Variants in GABRG3 observed in about 807,000 individuals in gnomAD.
GABRG3 encodes the protein gamma-aminobutyric acid receptor subunit gamma-3.
Under a neutral mutation model 48.8 loss-of-function variants are expected in GABRG3, and 25 were observed. The ratio of observed to expected loss-of-function variants is 0.51; its 90% CI spans 0.37 to 0.72. The LOEUF (loss-of-function observed/expected upper bound fraction) is 0.72. Among genes scored for constraint, GABRG3 ranks in the 30% least tolerant of loss-of-function variants. GABRG3 has a pLI of 0.00. For synonymous variants in GABRG3, 227 were observed against 217.6 expected (o/e 1.04, Z -0.38); for missense variants, 394 against 577.9 (o/e 0.68, Z 3.26).
At chr15:27,387,552 T>G (rs1355950093) in intron 5 of GABRG3, among the ~76,000 whole-genome samples, 2 of 152,084 alleles carry the variant, frequency 1.3e-5, no homozygotes, top group African/African-American at 4.8e-5. Context: ...TCTGGTTGGT[T>G]TCATTTGGTG....
chr15:27,328,929 G>T lies in GABRG3; in HGVS notation c.574+41G>T, dbSNP rs144945762. On this transcript the variant is annotated intron_variant, in intron 5 of 9. Transcript: ENST00000615808. ...AGCCCGGGGTGTGCATGCTGTGTGA[G>T]GGATGCCTAGCCTGGTACTGCTTCT... 10 of 1,482,488 alleles carry T rather than the reference G, an allele frequency of 6.7e-6. No individual in the cohort carries two copies. In the African/African-American group the frequency reaches 1.2e-4, roughly 19 times the overall value. 91.8% of individuals were successfully genotyped at this position (1,482,488 alleles called of 1,614,324 possible).
intron 5 of GABRG3, chr15:27,364,591 TTG>T (rs1895129466): frequency 6.6e-6 from 1 of 152,234 alleles, no homozygotes; most frequent in South Asian, 2.1e-4. Flanking sequence ...CTGAGTGGTT[TTG>T]TGTCTCTGGT....
At chr15:27,266,556 C>G (rs1052495698) in intron 3 of GABRG3, among the ~76,000 whole-genome samples, 14 of 152,262 alleles carry the variant, frequency 9.2e-5, no homozygotes, top group African/African-American at 3.4e-4. Flanking sequence ...TTAGAAATAG[C>G]CTGTCAATTT....
chr15:26,984,561 A>T (rs1895116539), intron 2 of GABRG3, among the ~76,000 whole-genome samples: 1 of 152,056 alleles, frequency 6.6e-6, no homozygotes, highest in Non-Finnish European at 1.5e-5. Context: ...TCCCTTCTTT[A>T]TCCATCCTTT....
intron 2 of GABRG3, among the ~76,000 whole-genome samples, chr15:27,020,702 C>T (rs1214273673): frequency 6.6e-6 from 1 of 152,150 alleles, no homozygotes; most frequent in Non-Finnish European, 1.5e-5. Flanking sequence ...CCGGCTTGAG[C>T]CACCGCGCCC....
intron 3 of GABRG3, among the ~76,000 whole-genome samples, chr15:27,057,001 C>G (rs938845489): frequency 1.3e-5 from 2 of 152,124 alleles, no homozygotes; most frequent in African/African-American, 2.4e-5. Context: ...CTCTTCCCTG[C>G]TTATTATCAA....
intron 2 of GABRG3, among the ~76,000 whole-genome samples, chr15:26,991,353 T>C (rs911848381): frequency 2.0e-5 from 3 of 152,078 alleles, no homozygotes; most frequent in Non-Finnish European, 4.4e-5. Context: ...TCAGGTAATA[T>C]GATTCGTTCA....
At chr15:27,505,270 A>G (rs920730518) in intron 6 of GABRG3, among the ~76,000 whole-genome samples, 2 of 152,166 alleles carry the variant, frequency 1.3e-5, no homozygotes, top group Non-Finnish European at 2.9e-5. Context: ...CATGATGCCA[A>G]TATAACTTAT....
At chr15:27,514,973 GTTA>G (rs144437411) in intron 6 of GABRG3, among the ~76,000 whole-genome samples, 3,182 of 152,290 alleles carry the variant, frequency 0.021, 70 homozygotes, top group East Asian at 0.098. Flanking sequence ...ATGGTCCTGG[GTTA>G]TTAAGGAACA....
intron 3 of GABRG3, among the ~76,000 whole-genome samples, chr15:27,259,956 A>T (rs1890724194): frequency 6.6e-6 from 1 of 152,164 alleles, no homozygotes; most frequent in East Asian, 1.9e-4. Context: ...AATTAGATAG[A>T]TTGAGAATCT....
chr15:27,133,663 C>A (rs1489718012), intron 3 of GABRG3, among the ~76,000 whole-genome samples: 1 of 152,096 alleles, frequency 6.6e-6, no homozygotes, highest in Non-Finnish European at 1.5e-5. Flanking sequence ...TCTGGGAGAG[C>A]TTTTTATTAG....
chr15:27,335,111 C>T (rs66551835), intron 5 of GABRG3, among the ~76,000 whole-genome samples: 3 of 146,932 alleles, frequency 2.0e-5, no homozygotes, highest in Admixed American at 6.6e-5. Context: ...CTGATGGGCA[C>T]TTGGCTTGCT....
intron 3 of GABRG3, among the ~76,000 whole-genome samples, chr15:27,207,353 C>T (rs1173264804): frequency 6.6e-6 from 1 of 152,144 alleles, no homozygotes; most frequent in East Asian, 1.9e-4. Context: ...TTCTCACAAA[C>T]GAAGTGACTG....
chr15:27,271,285 C>T (rs1323468920), intron 3 of GABRG3, among the ~76,000 whole-genome samples: 1 of 152,222 alleles, frequency 6.6e-6, no homozygotes, highest in Non-Finnish European at 1.5e-5. Flanking sequence ...TTCTCCAGCC[C>T]TGCGACAGAC....
At chr15:27,071,672 T>G (rs1048107969) in intron 3 of GABRG3, among the ~76,000 whole-genome samples, 1 of 152,252 alleles carries the variant, frequency 6.6e-6, no homozygotes, top group Non-Finnish European at 1.5e-5. Flanking sequence ...GTTTTCTCCC[T>G]CAGCGATAAA....
chr15:27,505,297 C>T (rs1237114444), intron 6 of GABRG3, among the ~76,000 whole-genome samples: 2 of 152,050 alleles, frequency 1.3e-5, no homozygotes, highest in African/African-American at 4.8e-5. Context: ...TGATGTTAAC[C>T]TTGATCACTT....
In GABRG3 at chr15:27,168,568, C is replaced by T. The variant is rs543437201; in HGVS notation, c.270+141747C>T. 3.3e-5 allele frequency among the ~76,000 whole-genome samples: 5 copies of T among 152,324 alleles called. 1 individual carries two copies. In the South Asian group the frequency reaches 1.0e-3, roughly 32 times the overall value. On this transcript the variant is annotated intron_variant, in intron 3 of 9. Transcript: ENST00000615808. ...TATCAATCCAGAGTCAGCCCATCAA[C>T]ACAGTATCGCCTAAGGTGATGTGGT...
chr15:27,169,671 C>T (rs139681866), intron 3 of GABRG3, among the ~76,000 whole-genome samples: 10 of 152,144 alleles, frequency 6.6e-5, no homozygotes, highest in African/African-American at 1.4e-4. Flanking sequence ...CACTCCATCT[C>T]GGCAGGCTCA....
At chr15:27,262,772 C>G (rs935141370) in intron 3 of GABRG3, among the ~76,000 whole-genome samples, 2 of 152,196 alleles carry the variant, frequency 1.3e-5, no homozygotes, top group African/African-American at 2.4e-5. Flanking sequence ...TGCCTTGTCT[C>G]TGTTTCTTTA....
Sources: allele counts gnomAD v4.1 joint callset (sites outside exome capture counted in the v4.1 genomes callset), GRCh38; gene constraint gnomAD v4.1.1; transcripts MANE v1.5; gene names NCBI Gene and HGNC (gene_info 2026-07-23, HGNC 2026-07-21).